Variants in OOSP1 observed in about 807,000 individuals in gnomAD.
OOSP1 encodes the protein putative oocyte-secreted protein 1 homolog.
In OOSP1, 11 loss-of-function variants were observed where a neutral mutation model predicts 5.7. The observed-to-expected ratio is 1.94, with a 90% confidence interval of 1.22 to 3.20. The LOEUF (loss-of-function observed/expected upper bound fraction) is 3.20. OOSP1 is among the 30% of genes most tolerant of loss of function. The pLI, the probability that OOSP1 is intolerant of heterozygous loss-of-function variation, is 0.00. For missense variants in OOSP1, 83 were observed against 54.1 expected, an observed-to-expected ratio of 1.53 and a Z score of -1.67; for synonymous variants, 44 against 20.0, an observed-to-expected ratio of 2.20 and a Z score of -3.20.
chr11:59,938,939 C>T lies in OOSP1; in HGVS notation c.76+409C>T, dbSNP rs73493107. ...CTTATAAGGCTTAGCCTTTCTTTAC[C>T]TTATACTTCATAGATCCTTTTCATT... is the stretch of plus-strand genomic sequence containing the variant. On this transcript the variant is annotated intron_variant, in intron 1 of 4. Transcript: ENST00000646685. Among the ~76,000 whole-genome samples, 645 of 152,200 alleles carry T rather than the reference C, an allele frequency of 4.2e-3. 6 individuals are homozygous for T. Among genetic ancestry groups the T allele is most frequent in the African/African-American group, 0.014 (578 of 41,510 alleles).
At chr11:59,943,378 C>T (rs188105434) in intron 2 of OOSP1, among the ~76,000 whole-genome samples, 104 of 151,950 alleles carry the variant, frequency 6.8e-4, no homozygotes, top group African/African-American at 2.4e-3. Flanking sequence ...AACAAAAAAA[C>T]CCAAGTGTCT....
At chr11:59,951,497 G>A (rs1340180723) in intron 4 of OOSP1, among the ~76,000 whole-genome samples, 1 of 152,010 alleles carries the variant, frequency 6.6e-6, no homozygotes, top group African/African-American at 2.4e-5. Context: ...GGCAGCGGGT[G>A]GGCTTCATTT....
At chr11:59,946,919 C>CTATA (rs1853889833) in intron 3 of OOSP1, among the ~76,000 whole-genome samples, 1 of 26,490 alleles carries the variant, frequency 3.8e-5, no homozygotes, top group African/African-American at 1.5e-4. Flanking sequence ...TCTACCATAT[C>CTATA]TATCTATCTA....
At chr11:59,949,430 G>A (rs1458545024) in intron 4 of OOSP1, among the ~76,000 whole-genome samples, 1 of 151,832 alleles carries the variant, frequency 6.6e-6, no homozygotes, top group East Asian at 1.9e-4. Flanking sequence ...GTGAGAAAAT[G>A]AGCCCCGCAG....
chr11:59,944,147 C>T (rs1256069264), intron 2 of OOSP1, among the ~76,000 whole-genome samples: 1 of 152,132 alleles, frequency 6.6e-6, no homozygotes, highest in East Asian at 1.9e-4. Context: ...AGAAGTGGGC[C>T]ACCCTGGGAG....
intron 4 of OOSP1, among the ~76,000 whole-genome samples, chr11:59,955,602 C>A (rs1437407340): frequency 6.6e-6 from 1 of 151,776 alleles, no homozygotes; most frequent in East Asian, 1.9e-4. Context: ...CACAGTGTGC[C>A]AAGTTTAATA....
chr11:59,948,937 G>C (rs561538535), intron 4 of OOSP1: 5 of 394,602 alleles, frequency 1.3e-5, no homozygotes, highest in African/African-American at 6.2e-5. Flanking sequence ...TAAAAAGCAG[G>C]CTGCCTTCCA....
intron 3 of OOSP1, among the ~76,000 whole-genome samples, chr11:59,945,931 C>G (rs1378986155): frequency 1.3e-5 from 2 of 151,972 alleles, no homozygotes; most frequent in Non-Finnish European, 2.9e-5. Context: ...CAGGCATACT[C>G]ACGTGGCTGG....
chr11:59,948,613 T>G, intron 4 of OOSP1: 1 of 395,010 alleles, frequency 2.5e-6, no homozygotes, highest in East Asian at 3.6e-5. Flanking sequence ...TACATATACT[T>G]TGCTTTACTT....
At chr11:59,952,755 CA>C (rs1012434432) in intron 4 of OOSP1, among the ~76,000 whole-genome samples, 6 of 152,052 alleles carry the variant, frequency 3.9e-5, no homozygotes, top group Non-Finnish European at 7.4e-5. Flanking sequence ...ATCTATCTAA[CA>C]AAAAAATCAC....
chr11:59,956,034 A>G lies in OOSP1; in HGVS notation c.487-1161A>G, dbSNP rs570293137. On this transcript the variant is annotated intron_variant, in intron 4 of 4. Transcript: ENST00000646685. ...TGCTGTGAGACAGTGCCACTCAAAG[A>G]ATGACATGTGATTAATGGACTAGTA... Among the ~76,000 whole-genome samples, 50 of 152,208 alleles carry G rather than the reference A, an allele frequency of 3.3e-4. No individual in the cohort carries two copies. In the South Asian group the frequency reaches 0.01, roughly 31 times the overall value.
At chr11:59,940,980 A>G (rs1435340131) in intron 1 of OOSP1, among the ~76,000 whole-genome samples, 1 of 152,238 alleles carries the variant, frequency 6.6e-6, no homozygotes, top group African/African-American at 2.4e-5. Context: ...ATATTGATGT[A>G]GCCAAAGGAC....
intron 4 of OOSP1, among the ~76,000 whole-genome samples, chr11:59,954,870 C>CT (rs1342862898): frequency 6.6e-6 from 1 of 151,774 alleles, no homozygotes; most frequent in African/African-American, 2.4e-5. Context: ...AGGTGTAGGC[C>CT]TTTTTTTCTT....
intron 4 of OOSP1, among the ~76,000 whole-genome samples, chr11:59,954,362 T>A (rs1052639435): frequency 6.6e-6 from 1 of 152,124 alleles, no homozygotes; most frequent in Non-Finnish European, 1.5e-5. Context: ...CATGGCCACA[T>A]GTATTCTAAT....
At chr11:59,942,787 T>A (rs1853844095) in intron 1 of OOSP1, 60 bp from the exon 2 acceptor site, 1 of 648,136 alleles carries the variant, frequency 1.5e-6, no homozygotes, top group African/African-American at 1.8e-5. Flanking sequence ...GTATGCTAAA[T>A]TTTTTTGAGC....
intron 4 of OOSP1, among the ~76,000 whole-genome samples, chr11:59,950,491 A>G (rs1041924140): frequency 6.6e-6 from 1 of 152,156 alleles, no homozygotes; most frequent in African/African-American, 2.4e-5. Context: ...TTGCTGAGAG[A>G]AGGCAGAGCC....
chr11:59,954,096 C>T (rs1590894548), intron 4 of OOSP1, among the ~76,000 whole-genome samples: 1 of 152,132 alleles, frequency 6.6e-6, no homozygotes, highest in South Asian at 2.1e-4. Flanking sequence ...CTGCAGGCAA[C>T]TGTATCACAT....
At chr11:59,954,756 G>A (rs578101731) in intron 4 of OOSP1, among the ~76,000 whole-genome samples, 30 of 151,998 alleles carry the variant, frequency 2.0e-4, no homozygotes, top group Non-Finnish European at 3.1e-4. Flanking sequence ...TAAGCTTCTC[G>A]AGGGTTGGAG....
At chr11:59,952,566 T>C (rs1853950959) in intron 4 of OOSP1, among the ~76,000 whole-genome samples, 2 of 152,200 alleles carry the variant, frequency 1.3e-5, no homozygotes, top group Admixed American at 6.6e-5. Context: ...TTCTCACTTA[T>C]AAGTGGGAGC....
Sources: gnomAD v4.1 joint callset for allele counts (sites outside exome capture counted in the v4.1 genomes callset) on GRCh38, gnomAD v4.1.1 for gene constraint, MANE v1.5 for transcripts, NCBI Gene and HGNC (gene_info 2026-07-23, HGNC 2026-07-21) for gene names.